The following GK5 variants were observed in gnomAD, a reference collection of about 807,000 sequenced individuals.
The protein encoded by GK5 is glycerol kinase 5.
A neutral mutation model predicts 77.3 loss-of-function variants in GK5; 39 were observed. The observed-to-expected ratio is 0.50, with a 90% confidence interval of 0.39 to 0.66. The LOEUF is 0.66. Ranked by LOEUF, GK5 falls within the 30% of genes least tolerant of loss-of-function variation. The pLI, the probability that GK5 is intolerant of heterozygous loss-of-function variation, is 0.00. For synonymous variants in GK5, 211 were observed against 208.0 expected, an observed-to-expected ratio of 1.01 and a Z score of -0.13; for missense variants, 487 against 633.8, an observed-to-expected ratio of 0.77 and a Z score of 2.49.
chr3:142,165,283 T>TG lies in GK5; in HGVS notation c.*338dup, dbSNP rs1577100919. 1 of 178,988 alleles carries TG rather than the reference T, an allele frequency of 5.6e-6. No homozygotes were observed. Among genetic ancestry groups the TG allele is most frequent in the African/African-American group, 2.3e-5 (1 of 42,590 alleles). 11.1% of individuals were successfully genotyped at this position (178,988 alleles called of 1,614,324 possible). On this transcript the variant is annotated 3_prime_UTR_variant, in exon 16 of 16. Transcript: ENST00000392993. ...CTTGACCCAGAACTATTAGCTTGGA[T>TG]GGTAAATCATTATGTTCCTATGTAC... is the stretch of plus-strand genomic sequence containing the variant.
At chr3:142,207,221 C>T (rs768230116) in intron 3 of GK5, among the ~76,000 whole-genome samples, 20 of 152,176 alleles carry the variant, frequency 1.3e-4, no homozygotes, top group African/African-American at 3.9e-4. Context: ...TATAAACGGA[C>T]GCATGAGGGG....
chr3:142,198,935 TATATTTTAAAAAAC>T lies in GK5; in HGVS notation c.412-16_412-3del. ...CACTCGGCAAGAACTGTGAAATATC[TATATTTTAAAAAAC>T]ATATTTTAGGAAAATGCATTTAGTA... On this transcript the variant is annotated splice_region_variant and splice_polypyrimidine_tract_variant and intron_variant, in intron 4 of 15. Coordinates refer to ENST00000392993, the MANE Select transcript of GK5 (RefSeq NM_001039547.3). The T allele has an allele frequency of 6.2e-7, 1 of 1,600,480 alleles. No individual in the cohort carries two copies. The highest frequency in any genetic ancestry group is 8.5e-7 in the Non-Finnish European group (1 of 1,173,060).
At chr3:142,202,843 G>C (rs2064047788) in intron 4 of GK5, among the ~76,000 whole-genome samples, 1 of 152,210 alleles carries the variant, frequency 6.6e-6, no homozygotes, top group African/African-American at 2.4e-5. Flanking sequence ...TGTAATCCCA[G>C]CTACCCAGGA....
At chr3:142,171,348 G>A in intron 14 of GK5, 71 bp downstream of exon 14, 1 of 1,316,018 alleles carries the variant, frequency 7.6e-7, no homozygotes, top group Non-Finnish European at 1.0e-6. Flanking sequence ...AAAGAAATGA[G>A]TGGTAGCTCA....
At chr3:142,185,019 C>G (rs1019104187) in intron 9 of GK5, 1 of 985,404 alleles carries the variant, frequency 1.0e-6, no homozygotes, top group Non-Finnish European at 1.2e-6. Flanking sequence ...CTCAGCTGCT[C>G]CCCCAGCTAC....
intron 12 of GK5, among the ~76,000 whole-genome samples, chr3:142,176,577 T>C (rs1225584713): frequency 6.6e-6 from 1 of 151,318 alleles, no homozygotes; most frequent in Non-Finnish European, 1.5e-5. Flanking sequence ...TGTTACAAAA[T>C]CAAGACTTCT....
chr3:142,209,302 T>C (rs971081901), intron 3 of GK5, among the ~76,000 whole-genome samples: 8 of 152,200 alleles, frequency 5.3e-5, no homozygotes, highest in African/African-American at 1.9e-4. Context: ...CAAAATGTGC[T>C]ATATGTTCAA....
chr3:142,222,563 C>CAA (rs918156029), intron 1 of GK5, among the ~76,000 whole-genome samples: 2 of 133,062 alleles, frequency 1.5e-5, no homozygotes, highest in Non-Finnish European at 3.3e-5. Flanking sequence ...GACTCCATCT[C>CAA]AAAAAAAAAA....
chr3:142,223,221 G>C (rs2064378576), intron 1 of GK5, among the ~76,000 whole-genome samples: 1 of 152,066 alleles, frequency 6.6e-6, no homozygotes, highest in African/African-American at 2.4e-5. Context: ...GTGAAACTTT[G>C]CATTTTCTAG....
At chr3:142,199,911 C>T (rs1381125253) in intron 4 of GK5, among the ~76,000 whole-genome samples, 1 of 151,996 alleles carries the variant, frequency 6.6e-6, no homozygotes, top group Non-Finnish European at 1.5e-5. Context: ...TCCTACCTCA[C>T]TCCCTAAAAT....
chr3:142,177,580 C>T lies in GK5; in HGVS notation c.1049-4G>A. 1 of 1,571,350 alleles carries T rather than the reference C, an allele frequency of 6.4e-7. No homozygotes were observed. Among genetic ancestry groups the T allele is most frequent in the Non-Finnish European group, 8.7e-7 (1 of 1,149,570 alleles). On this transcript the variant is annotated splice_polypyrimidine_tract_variant and splice_region_variant and intron_variant, in intron 11 of 15. Transcript: ENST00000392993. ...TCAGCAGCATCTGTGAAAAGGTCTG[C>T]AAAAACAAACAAACAACAAAAAACC...
At chr3:142,224,808 A>G (rs1315801100) in intron 1 of GK5, among the ~76,000 whole-genome samples, 1 of 152,248 alleles carries the variant, frequency 6.6e-6, no homozygotes, top group Non-Finnish European at 1.5e-5. Context: ...AAAGATATGA[A>G]AAGTTATTGA....
chr3:142,187,604 C>CAAAAAAA (rs57206350), intron 6 of GK5, 100 bp downstream of exon 6: 1 of 658,312 alleles, frequency 1.5e-6, no homozygotes, highest in South Asian at 1.7e-5. Flanking sequence ...GACCCTAGCT[C>CAAAAAAA]AAAAAAAAAA....
chr3:142,175,343 C>T (rs942414410), intron 12 of GK5, among the ~76,000 whole-genome samples: 8 of 152,232 alleles, frequency 5.3e-5, no homozygotes, highest in South Asian at 2.1e-4. Flanking sequence ...CTAGACTTTC[C>T]CATTTTCCTC....
intron 1 of GK5, among the ~76,000 whole-genome samples, chr3:142,218,187 T>C (rs1159333811): frequency 6.6e-6 from 1 of 150,644 alleles, no homozygotes; most frequent in Non-Finnish European, 1.5e-5. Flanking sequence ...GAAAAGATAG[T>C]TTTTTCAACA....
intron 3 of GK5, among the ~76,000 whole-genome samples, chr3:142,208,921 A>G (rs1053732051): frequency 6.6e-5 from 10 of 152,172 alleles, no homozygotes; most frequent in Non-Finnish European, 1.0e-4. Context: ...AGGCCGAGGA[A>G]GGCGGATCAC....
chr3:142,167,765 A>G (rs2063489473), intron 15 of GK5, among the ~76,000 whole-genome samples: 1 of 152,262 alleles, frequency 6.6e-6, no homozygotes, highest in Non-Finnish European at 1.5e-5. Context: ...TGATCCCAGC[A>G]CTTTGGGATG....
chr3:142,207,762 A>G (rs2064131998), intron 3 of GK5, among the ~76,000 whole-genome samples: 1 of 152,120 alleles, frequency 6.6e-6, no homozygotes, highest in South Asian at 2.1e-4. Flanking sequence ...GTTTGTGTCT[A>G]TTATTTCTCA....
intron 1 of GK5, 72 bp from the exon 2 acceptor site, chr3:142,215,764 AACT>A: frequency 6.0e-6 from 4 of 669,804 alleles, no homozygotes; most frequent in South Asian, 3.8e-5. Context: ...TGGGTCTCAA[AACT>A]ACTGGTTAAA....
Sources: gnomAD v4.1 joint callset for allele counts (sites outside exome capture counted in the v4.1 genomes callset) on GRCh38, gnomAD v4.1.1 for gene constraint, MANE v1.5 for transcripts, NCBI Gene and HGNC (gene_info 2026-07-23, HGNC 2026-07-21) for gene names.